SPNS3: variants seen among roughly 807,000 people sequenced by gnomAD.
SPNS3 encodes the protein protein spinster homolog 3.
In SPNS3, 51 loss-of-function variants were observed where a neutral mutation model predicts 54.4. The ratio of observed to expected loss-of-function variants is 0.94; its 90% CI spans 0.75 to 1.18. SPNS3 has a LOEUF of 1.18. SPNS3 is among the 50% of genes most tolerant of loss of function. The pLI is 0.00. For missense variants in SPNS3, 669 were observed against 677.4 expected, an observed-to-expected ratio of 0.99 and a Z score of 0.14; for synonymous variants, 309 against 294.7, an observed-to-expected ratio of 1.05 and a Z score of -0.50.
At chr17:4,470,120 A>T (rs1048003518) in intron 8 of SPNS3, among the ~76,000 whole-genome samples, 1 of 152,124 alleles carries the variant, frequency 6.6e-6, no homozygotes, top group Non-Finnish European at 1.5e-5. Context: ...TTAAAAACAG[A>T]TTTATTGAGA....
chr17:4,446,754 CT>C, intron 4 of SPNS3, 141 bp from the exon 5 acceptor site: 1 of 741,738 alleles, frequency 1.3e-6, no homozygotes, highest in East Asian at 2.7e-5. Context: ...ACGTGGCTTA[CT>C]TTCCTCAGTG....
intron 8 of SPNS3, 142 bp from the exon 9 acceptor site, chr17:4,478,430 G>A: frequency 2.8e-6 from 2 of 705,970 alleles, no homozygotes; most frequent in East Asian, 5.6e-5. Flanking sequence ...ATAGTTCTAG[G>A]CCTTCCTCGC....
chr17:4,448,765 C>G (rs962802081), intron 6 of SPNS3, among the ~76,000 whole-genome samples: 1 of 152,208 alleles, frequency 6.6e-6, no homozygotes, highest in South Asian at 2.1e-4. Context: ...GGTCCCAGGC[C>G]TCATGATTCA....
At chr17:4,471,860 A>ATTTTTT (rs766599416) in intron 8 of SPNS3, among the ~76,000 whole-genome samples, 1 of 141,248 alleles carries the variant, frequency 7.1e-6, no homozygotes, top group Non-Finnish European at 1.5e-5. Context: ...TTTAGGTTGG[A>ATTTTTT]TTTTTTGTTT....
At chr17:4,437,110 CT>C (rs1970735734) in intron 1 of SPNS3, among the ~76,000 whole-genome samples, 1 of 152,158 alleles carries the variant, frequency 6.6e-6, no homozygotes, top group South Asian at 2.1e-4. Flanking sequence ...TGCTGAGCAT[CT>C]GGGAACTGGT....
At chr17:4,434,775 T>C (rs1471797673) in intron 1 of SPNS3, among the ~76,000 whole-genome samples, 1 of 149,980 alleles carries the variant, frequency 6.7e-6, no homozygotes, top group Non-Finnish European at 1.5e-5. Context: ...CCCAAAGTGC[T>C]GGGATTACAG....
intron 2 of SPNS3, among the ~76,000 whole-genome samples, chr17:4,441,909 T>G (rs1160036902): frequency 6.6e-6 from 1 of 151,656 alleles, no homozygotes; most frequent in East Asian, 1.9e-4. Flanking sequence ...GCCACCACAC[T>G]GGCCCTTACC....
Position 4,446,982 on chromosome 17 carries a change from CTTCCCTCTGCT to C in SPNS3, c.621+30_621+40del, listed in dbSNP as rs761930654. 6.2e-7 allele frequency: 1 copy of C among 1,613,590 alleles called. No homozygotes were observed. The stretch of plus-strand genomic sequence containing the variant: ...CTCCGAGTGAGTCCAGCTTCCTTTT[CTTCCCTCTGCT>C]TTCCCTCTGGACCGGCAGGGACTTT... On this transcript the variant is annotated intron_variant, in intron 5 of 11. Coordinates refer to ENST00000355530, the MANE Select transcript of SPNS3 (RefSeq NM_182538.5).
chr17:4,438,092 C>A (rs12949914), intron 1 of SPNS3, among the ~76,000 whole-genome samples: 76,017 of 152,076 alleles, frequency 0.5, 19,493 homozygotes, highest in Admixed American at 0.52. Context: ...CCTCCCTGAG[C>A]AAGGATTTTT....
intron 8 of SPNS3, among the ~76,000 whole-genome samples, chr17:4,459,543 C>G (rs1209377936): frequency 1.3e-5 from 2 of 152,004 alleles, no homozygotes; most frequent in African/African-American, 4.8e-5. Flanking sequence ...AAAACCCTGT[C>G]TCTACTAAAA....
intron 2 of SPNS3, among the ~76,000 whole-genome samples, chr17:4,443,222 C>G (rs1393503868): frequency 6.6e-6 from 1 of 152,188 alleles, no homozygotes; most frequent in Non-Finnish European, 1.5e-5. Flanking sequence ...AGGCGCCCGC[C>G]ACCATGCTCA....
chr17:4,446,748 G>A (rs552850417), intron 4 of SPNS3, 148 bp from the exon 5 acceptor site: 46 of 700,984 alleles, frequency 6.6e-5, no homozygotes, highest in Non-Finnish European at 2.5e-6. Context: ...GGCCTCACGT[G>A]GCTTACTTTC....
intron 7 of SPNS3, 79 bp from the exon 8 acceptor site, chr17:4,452,937 C>A: frequency 7.0e-7 from 1 of 1,419,592 alleles, no homozygotes; most frequent in Non-Finnish European, 9.7e-7. Context: ...AGGGGCTAGA[C>A]CTGGGGCTGG....
In SPNS3 at chr17:4,486,667, A is replaced by AGTTT; in HGVS notation, c.1450+92_1450+95dup. On this transcript the variant is annotated intron_variant, in intron 11 of 11. Coordinates refer to ENST00000355530, the MANE Select transcript of SPNS3 (RefSeq NM_182538.5). The surrounding 1 kb of genome is among the most constrained non-coding windows in gnomAD (Gnocchi z 5.5). ...CTGGCCACCCCCTGAATCCCTGGCCAGTTTGTTTGTTCATTCATCCAGAAA... is the reference window on the plus strand; with the variant it reads ...CTGGCCACCCCCTGAATCCCTGGCCAGTTTGTTTGTTTGTTCATTCATCCAGAAA... The AGTTT allele has an allele frequency of 7.1e-7, 1 of 1,409,720 alleles. No homozygotes were observed. Among genetic ancestry groups the AGTTT allele is most frequent in the Non-Finnish European group, 9.6e-7 (1 of 1,043,540 alleles). The allele number at this position is 1,409,720 out of a possible 1,614,324, so 87.3% of individuals were successfully genotyped here.
chr17:4,469,204 GC>G (rs1041606347), intron 8 of SPNS3, among the ~76,000 whole-genome samples: 5 of 152,108 alleles, frequency 3.3e-5, no homozygotes, highest in African/African-American at 1.2e-4. Context: ...TCCCACCTCA[GC>G]CTTCTGAGTA....
intron 5 of SPNS3, among the ~76,000 whole-genome samples, chr17:4,447,738 G>A (rs753955888): frequency 1.1e-4 from 17 of 152,262 alleles, no homozygotes; most frequent in African/African-American, 3.1e-4. Flanking sequence ...CAGAGGGGCC[G>A]CTAGGAGAGG....
intron 8 of SPNS3, among the ~76,000 whole-genome samples, chr17:4,469,940 G>A (rs1309159754): frequency 2.0e-5 from 3 of 151,928 alleles, no homozygotes; most frequent in South Asian, 2.1e-4. Context: ...CGTTATTCAC[G>A]TTTTCATCTA....
chr17:4,455,369 A>T (rs1971279331), intron 8 of SPNS3, among the ~76,000 whole-genome samples: 2 of 152,244 alleles, frequency 1.3e-5, no homozygotes, highest in Non-Finnish European at 2.9e-5. Context: ...CAGGCAAGGA[A>T]GGATGACTGA....
intron 8 of SPNS3, among the ~76,000 whole-genome samples, chr17:4,463,345 C>G (rs1238110327): frequency 1.4e-5 from 2 of 147,716 alleles, no homozygotes; most frequent in Non-Finnish European, 3.0e-5. Flanking sequence ...TGCAGTGAGC[C>G]GAGATTGCGC....
Sources: gnomAD v4.1 joint callset for allele counts (sites outside exome capture counted in the v4.1 genomes callset) on GRCh38, gnomAD v4.1.1 for gene constraint, Gnocchi (gnomAD v3.1) non-coding constraint, MANE v1.5 for transcripts, NCBI Gene and HGNC (gene_info 2026-07-23, HGNC 2026-07-21) for gene names.